The following MYO15A variants were observed in gnomAD, a reference collection of about 807,000 sequenced individuals.
The protein encoded by MYO15A is unconventional myosin-XV.
MYO15A carries 308 observed loss-of-function variants against 394.6 expected under a neutral mutation model. The observed-to-expected ratio is 0.78, with a 90% CI of 0.71 to 0.86. The LOEUF (loss-of-function observed/expected upper bound fraction) is 0.86, where lower values mean the gene tolerates loss of function less well. MYO15A is among the 40% of genes least tolerant of loss of function. The pLI, the probability that MYO15A is intolerant of heterozygous loss-of-function variation, is 0.00. For missense variants in MYO15A, 4,606 were observed against 4,799.1 expected, an observed-to-expected ratio of 0.96 and a Z score of 1.19; for synonymous variants, 1,957 against 2,003.8, an observed-to-expected ratio of 0.98 and a Z score of 0.62.
chr17:18,136,659 C>G lies in MYO15A; in HGVS notation c.4752C>G (p.Ile1584Met). The change falls in exon 15 of 66, where the codon ATC becomes ATG. Residue 1584 changes from isoleucine (I) to methionine (M), a missense_variant. Around this residue, in one of 2 missense-constraint regions of MYO15A, gnomAD observed 2,776 missense variants for 3,109.3 expected, o/e 0.89. Coordinates refer to ENST00000647165, the MANE Select transcript of MYO15A (RefSeq NM_016239.4). ...CCCCAAGGCAGGACACACTGTCCATCGCCATCCTGGACATCTATGGTTTCG... is the reference window on the plus strand; with the variant it reads ...CCCCAAGGCAGGACACACTGTCCATGGCCATCCTGGACATCTATGGTTTCG... The part of the protein sequence containing the change: ...LVSPRQDTLS[I>M]AILDIYGFED... 1 of 1,611,574 alleles carries G rather than the reference C, an allele frequency of 6.2e-7. No homozygotes were observed. Among genetic ancestry groups the G allele is most frequent in the Non-Finnish European group, 8.5e-7 (1 of 1,179,498 alleles).
At chr17:18,141,229 G>A (rs1431021112) in intron 22 of MYO15A, 86 bp downstream of exon 22, 1 of 1,591,088 alleles carries the variant, frequency 6.3e-7, no homozygotes, top group Non-Finnish European at 8.5e-7. Context: ...AGGCAGTACA[G>A]GGCTTGCCAT....
At chr17:18,161,898 G>C (rs1310375466) in intron 57 of MYO15A, among the ~76,000 whole-genome samples, 1 of 100,252 alleles carries the variant, frequency 1.0e-5, no homozygotes, top group Non-Finnish European at 2.3e-5. Flanking sequence ...ATGGAGAAAG[G>C]GGGGGCCACT....
rs1013183315 is a variant in MYO15A at position 18,154,586 on chromosome 17, C to A, written c.8149-94C>A. ...TGACCCCACTGCTGCAAAATGGGAC[C>A]CCTCCCACATTGCCACTCACCCTAG... On this transcript the variant is annotated intron_variant, in intron 44 of 65. Transcript: ENST00000647165. The A allele has an allele frequency of 1.5e-5, 20 of 1,301,236 alleles. No individual in the cohort carries two copies. In the Admixed American group the frequency reaches 3.4e-4, roughly 22 times the overall value. The allele number at this position is 1,301,236 out of a possible 1,614,324, so 80.6% of individuals were successfully genotyped here.
rs1398467901 is a variant in MYO15A at position 18,112,850 on chromosome 17, A to AT, written c.-220+4028dup. Among the ~76,000 whole-genome samples, 9 of 38,728 alleles carry AT rather than the reference A, an allele frequency of 2.3e-4. No homozygotes were observed. The East Asian group carries it at 3.3e-3, about 14-fold the overall frequency. 25.4% of individuals were successfully genotyped at this position (38,728 alleles called of 152,430 possible). On this transcript the variant is annotated intron_variant, in intron 1 of 65. Coordinates refer to ENST00000647165, the MANE Select transcript of MYO15A (RefSeq NM_016239.4). ...TTTCTTATGTATCTTTTGCTGTATT[A>AT]TTATTATTTTTTTTTGAAACGGAGT...
At chr17:18,111,563 G>T (rs368243503) in intron 1 of MYO15A, among the ~76,000 whole-genome samples, 2 of 152,344 alleles carry the variant, frequency 1.3e-5, no homozygotes, top group African/African-American at 4.8e-5. Context: ...CCTGCACAGA[G>T]GATGGGGACC....
Position 18,122,282 on chromosome 17 carries a change from C to T in MYO15A, c.3482C>T (p.Ala1161Val). The change falls in exon 2 of 66, where the codon GCA (alanine) becomes GTA (valine). Residue 1161 changes from alanine (A) to valine (V), a missense_variant. Ala to Val is a moderately conservative substitution (Grantham distance 64). Around this residue, in one of 2 missense-constraint regions of MYO15A, gnomAD observed 1,830 missense variants for 1,689.7 expected, o/e 1.08. Transcript: ENST00000647165. ...SLRWSCLWLR[A>V]DAYGPWPRVH... ...CGCTGGTCCTGCCTCTGGCTTCGGG[C>T]AGATGCCTATGGACCCTGGCCACGA... 6.2e-7 allele frequency: 1 copy of T among 1,613,104 alleles called. No individual in the cohort carries two copies. Among genetic ancestry groups the T allele is most frequent in the Non-Finnish European group, 8.5e-7 (1 of 1,180,018 alleles).
In MYO15A at chr17:18,120,559, G is replaced by A. The variant is rs749218522; in HGVS notation, c.1759G>A (p.Ala587Thr). The change falls in exon 2 of 66, where the codon GCG (alanine) becomes ACG (threonine). Residue 587 changes from alanine (A) to threonine (T), a missense_variant. Physicochemically the swap from Ala to Thr is moderately conservative, Grantham distance 58. Around this residue, in one of 2 missense-constraint regions of MYO15A, gnomAD observed 1,830 missense variants for 1,689.7 expected, o/e 1.08. Transcript: ENST00000647165. ...KKTLSEKKPI[A>T]RLRGSQKARA... The stretch of plus-strand genomic sequence containing the variant: ...GACGCTGTCGGAGAAGAAGCCCATC[G>A]CGCGGCTCAGGGGCAGCCAGAAGGC... The A allele has an allele frequency of 3.1e-6, 5 of 1,598,756 alleles. No homozygotes were observed. Among genetic ancestry groups the A allele is most frequent in the Non-Finnish European group, 4.3e-6 (5 of 1,174,944 alleles).
chr17:18,141,319 C>CT (rs948647576), intron 22 of MYO15A, among the ~76,000 whole-genome samples, 176 bp downstream of exon 22: 21 of 151,660 alleles, frequency 1.4e-4, no homozygotes, highest in African/African-American at 4.6e-4. Context: ...ATTGTTTTGC[C>CT]TTTTTTTGTA....
intron 5 of MYO15A, 22 bp downstream of exon 5, chr17:18,126,478 C>G (rs1192191232): frequency 1.9e-6 from 3 of 1,604,536 alleles, no homozygotes; most frequent in Admixed American, 1.7e-5. Context: ...GGGGGCGCTG[C>G]CCTGGGGTCT....
At chr17:18,115,978 C>T (rs934514164) in intron 1 of MYO15A, among the ~76,000 whole-genome samples, 8 of 152,220 alleles carry the variant, frequency 5.3e-5, no homozygotes, top group African/African-American at 1.9e-4. Context: ...GCTTTCTCTC[C>T]ACCCACATAT....
intron 62 of MYO15A, among the ~76,000 whole-genome samples, chr17:18,171,000 G>A (rs1426644853): frequency 6.6e-6 from 1 of 152,242 alleles, no homozygotes; most frequent in African/African-American, 2.4e-5. Flanking sequence ...CTTGGGAGGA[G>A]GGGGTTCCCC....
At position 18,153,986 on chromosome 17, in the gene MYO15A, G is replaced by A; in HGVS notation, c.8088+90G>A. 2 of 1,607,246 alleles carry A rather than the reference G, an allele frequency of 1.2e-6. No homozygotes were observed. The highest frequency in any genetic ancestry group is 2.2e-5 in the East Asian group (1 of 44,772). On this transcript the variant is annotated intron_variant, in intron 43 of 65. Coordinates refer to ENST00000647165, the MANE Select transcript of MYO15A (RefSeq NM_016239.4). This position sits in a 1 kb window ranked among gnomAD's most constrained non-coding sequence, Gnocchi z 4.1. ...AGAGGAGGGTCTAGGACTTGGGGAG[G>A]GAGCCCAGGAGGACAGAAAAAGGCC...
rs888822864 is a variant in MYO15A, at chr17:18,118,644, C to T, written c.-157C>T. The T allele has an allele frequency of 5.7e-5, 63 of 1,099,778 alleles. No homozygotes were observed. The highest frequency in any genetic ancestry group is 7.2e-5 in the Non-Finnish European group (56 of 777,602). 68.1% of individuals were successfully genotyped at this position (1,099,778 alleles called of 1,614,324 possible). On this transcript the variant is annotated 5_prime_UTR_variant, in exon 2 of 66. Transcript: ENST00000647165. ...GATCCGCCCTCCCGGAATCCTGGCT[C>T]GGCCCTCCCCACGCCACCCAGGGCC... is the stretch of plus-strand genomic sequence containing the variant.
At chr17:18,128,494 GC>G (rs976334207) in intron 7 of MYO15A, among the ~76,000 whole-genome samples, 10 of 152,166 alleles carry the variant, frequency 6.6e-5, no homozygotes, top group African/African-American at 2.2e-4. Flanking sequence ...GCCTGGCCTG[GC>G]CCCCTCTGAT....
At chr17:18,167,193 C>T (rs1036166763) in intron 61 of MYO15A, among the ~76,000 whole-genome samples, 7 of 152,328 alleles carry the variant, frequency 4.6e-5, no homozygotes, top group Admixed American at 1.3e-4. Context: ...CCTCAAGTCC[C>T]GCCTCAGACC....
intron 25 of MYO15A, 149 bp downstream of exon 25, chr17:18,142,989 T>A: frequency 1.3e-6 from 1 of 742,342 alleles, no homozygotes; most frequent in Non-Finnish European, 2.4e-6. Flanking sequence ...GGCCATTGTC[T>A]ATCCTCGATT....
chr17:18,154,820 C>T, intron 45 of MYO15A, 65 bp downstream of exon 45: 2 of 1,547,038 alleles, frequency 1.3e-6, no homozygotes, highest in Non-Finnish European at 1.8e-6. Context: ...AGCCCTGTCC[C>T]AGAGGGAGAC....
At chr17:18,131,218 A>T (rs1419812462) in intron 8 of MYO15A, 21 bp from the exon 9 acceptor site, 4 of 1,607,040 alleles carry the variant, frequency 2.5e-6, no homozygotes, top group Non-Finnish European at 3.4e-6. Flanking sequence ...CTCAATTCCC[A>T]CATCTCCTTC....
chr17:18,157,415 TGAGG>T (rs2046695063), intron 50 of MYO15A, 185 bp downstream of exon 50: 6 of 954,958 alleles, frequency 6.3e-6, no homozygotes, highest in Non-Finnish European at 9.7e-6. Flanking sequence ...CTGCTTTGCC[TGAGG>T]GGTCTCCGTG....
Sources: allele counts gnomAD v4.1 joint callset (sites outside exome capture counted in the v4.1 genomes callset), GRCh38; gene constraint gnomAD v4.1.1; regional missense constraint gnomAD v4.1.1; non-coding constraint Gnocchi (gnomAD v3.1); transcripts MANE v1.5; gene names NCBI Gene and HGNC (gene_info 2026-07-23, HGNC 2026-07-21).